Variants in A1CF observed in about 807,000 individuals in gnomAD.
A1CF encodes the protein APOBEC1 complementation factor.
A neutral mutation model predicts 68.9 loss-of-function variants in A1CF; 48 were observed. That is an observed-to-expected ratio of 0.70 (90% confidence interval 0.55 to 0.89). The LOEUF is 0.89. A1CF is among the 40% of genes least tolerant of loss of function. The pLI is 0.00. For missense variants in A1CF, 653 were observed against 718.9 expected (o/e 0.91, Z 1.05); for synonymous variants, 272 against 260.4 (o/e 1.04, Z -0.43).
intron 6 of A1CF, among the ~76,000 whole-genome samples, chr10:50,829,943 T>C (rs925424005): frequency 6.6e-6 from 1 of 152,220 alleles, no homozygotes; most frequent in Admixed American, 6.5e-5. Context: ...CAAAATTGCA[T>C]CTATTTGTGG....
chr10:50,841,604 C>T (rs1376089981), intron 5 of A1CF, among the ~76,000 whole-genome samples: 2 of 152,054 alleles, frequency 1.3e-5, no homozygotes, highest in East Asian at 1.9e-4. Context: ...TTGAACAGTG[C>T]CCAATATATA....
intron 1 of A1CF, among the ~76,000 whole-genome samples, chr10:50,873,970 ATG>A (rs1315290324): frequency 6.6e-6 from 1 of 152,070 alleles, no homozygotes; most frequent in East Asian, 1.9e-4. Flanking sequence ...TAATTTTAAT[ATG>A]TGTTTGTGTA....
intron 3 of A1CF, among the ~76,000 whole-genome samples, chr10:50,857,211 A>G (rs748704772): frequency 4.6e-5 from 7 of 152,152 alleles, no homozygotes; most frequent in Non-Finnish European, 8.8e-5. Context: ...ACATTTAAGG[A>G]GTCCATGTAT....
rs746131925 is a variant in A1CF at position 50,820,622 on chromosome 10, C to T, written c.797G>A (p.Arg266Gln). The change falls in exon 8 of 13, where the codon CGA becomes CAA. Residue 266 changes from arginine to glutamine, a missense_variant. Coordinates refer to ENST00000373997, the MANE Select transcript of A1CF (RefSeq NM_014576.4). The stretch of plus-strand genomic sequence containing the variant: ...ACTGAAGTGCACAAAAGCATAGTCT[C>T]GAATTTTCTTCACCCTCTCCACAGC... ...PGAVERVKKI[R>Q]DYAFVHFSNR... The T allele has an allele frequency of 1.9e-5, 31 of 1,613,130 alleles. No individual in the cohort carries two copies. Among genetic ancestry groups the T allele is most frequent in the African/African-American group, 2.7e-5 (2 of 74,872 alleles).
chr10:50,852,429 G>A (rs545752912), intron 3 of A1CF, among the ~76,000 whole-genome samples: 1 of 152,296 alleles, frequency 6.6e-6, no homozygotes, highest in South Asian at 2.1e-4. Context: ...TCTCTGGCTA[G>A]TAGAAGTAAG....
intron 3 of A1CF, among the ~76,000 whole-genome samples, chr10:50,847,811 A>G (rs923389180): frequency 6.6e-6 from 1 of 152,170 alleles, no homozygotes; most frequent in Non-Finnish European, 1.5e-5. Flanking sequence ...CAAATGGTGC[A>G]AACTTTAATG....
At chr10:50,859,791 A>G (rs1840656123) in intron 3 of A1CF, 51 bp downstream of exon 3, 2 of 1,535,170 alleles carry the variant, frequency 1.3e-6, no homozygotes, top group South Asian at 1.1e-5. Flanking sequence ...CAATATTCCC[A>G]CCACTGTGCA....
At chr10:50,855,717 G>C (rs936907626) in intron 3 of A1CF, among the ~76,000 whole-genome samples, 12 of 151,894 alleles carry the variant, frequency 7.9e-5, no homozygotes, top group Admixed American at 2.6e-4. Context: ...AGTGATAAGA[G>C]AGCACAAATT....
chr10:50,827,958 C>T (rs368209275), intron 7 of A1CF, among the ~76,000 whole-genome samples, 173 bp downstream of exon 7: 10 of 151,982 alleles, frequency 6.6e-5, no homozygotes, highest in African/African-American at 9.7e-5. Context: ...AAGGGGATAT[C>T]GCCACCGATC....
intron 1 of A1CF, among the ~76,000 whole-genome samples, chr10:50,884,192 A>G (rs1589061380): frequency 6.6e-6 from 1 of 152,164 alleles, no homozygotes; most frequent in South Asian, 2.1e-4. Flanking sequence ...ATGACATAAA[A>G]CCACCTTGGC....
chr10:50,851,587 T>C (rs1439190984), intron 3 of A1CF, among the ~76,000 whole-genome samples: 1 of 152,078 alleles, frequency 6.6e-6, no homozygotes, highest in East Asian at 1.9e-4. Flanking sequence ...AGGGAAATCA[T>C]GGTCAACTTC....
intron 12 of A1CF, 24 bp downstream of exon 12, chr10:50,809,870 A>G: frequency 6.2e-7 from 1 of 1,613,442 alleles, no homozygotes; most frequent in Non-Finnish European, 8.5e-7. Context: ...GCAGGGCGCC[A>G]TTTCTGGCAC....
At chr10:50,835,879 C>T (rs963072214) in intron 6 of A1CF, among the ~76,000 whole-genome samples, 195 bp downstream of exon 6, 1 of 152,026 alleles carries the variant, frequency 6.6e-6, no homozygotes, top group Non-Finnish European at 1.5e-5. Context: ...CCTCAATGCA[C>T]AGAATGAATA....
At chr10:50,827,240 C>A (rs570481513) in intron 7 of A1CF, among the ~76,000 whole-genome samples, 1 of 152,278 alleles carries the variant, frequency 6.6e-6, no homozygotes, top group African/African-American at 2.4e-5. Flanking sequence ...AGAAAGTTAA[C>A]AAGGATATTC....
chr10:50,877,031 A>G lies in A1CF; in HGVS notation c.-94+8550T>C, dbSNP rs564327007. On this transcript the variant is annotated intron_variant, in intron 1 of 12. Transcript: ENST00000373997. ...GTTGTGCTATCTTTATTCAATTATG[A>G]TACTCAACTATTCCCAAAATGCCTG... 2.7e-3 allele frequency among the ~76,000 whole-genome samples: 418 copies of G among 152,294 alleles called. 3 individuals are homozygous for G. Among genetic ancestry groups the G allele is most frequent in the Middle Eastern group, 6.8e-3 (2 of 294 alleles).
chr10:50,856,319 A>C (rs890500878), intron 3 of A1CF, among the ~76,000 whole-genome samples: 1 of 152,100 alleles, frequency 6.6e-6, no homozygotes, highest in African/African-American at 2.4e-5. Flanking sequence ...CTCTGTAGCC[A>C]AAATCAGGAG....
chr10:50,832,223 A>AG (rs1310375590), intron 6 of A1CF, among the ~76,000 whole-genome samples: 1 of 152,208 alleles, frequency 6.6e-6, no homozygotes, highest in African/African-American at 2.4e-5. Flanking sequence ...AGCCAGTTAA[A>AG]GTCGCATTGG....
In A1CF at chr10:50,811,042, T is replaced by G. The variant is rs758778764; in HGVS notation, c.1458A>C (p.Ala486=). Reference sequence around the variant, plus strand: ...AGGAATTTGGAGAAGTTACGCACATTGCAGGATTCTGGCTGGCTAGAGCAG... The same window carrying G: ...AGGAATTTGGAGAAGTTACGCACATGGCAGGATTCTGGCTGGCTAGAGCAG... The part of the protein sequence containing the change: ...TIPALASQNP[A]IHPFTPPKLS... The change falls in exon 11 of 13, where the codon GCA becomes GCC. Residue 486 remains alanine, a splice_region_variant and synonymous_variant. Coordinates refer to ENST00000373997, the MANE Select transcript of A1CF (RefSeq NM_014576.4). 1 of 1,612,190 alleles carries G rather than the reference T, an allele frequency of 6.2e-7. No individual in the cohort carries two copies. Among genetic ancestry groups the G allele is most frequent in the East Asian group, 2.2e-5 (1 of 44,792 alleles).
intron 6 of A1CF, chr10:50,828,511 C>A (rs922927459): frequency 2.6e-6 from 1 of 377,542 alleles, no homozygotes; most frequent in South Asian, 9.8e-5. Flanking sequence ...TTATAACTAT[C>A]GATTATAAAG....
Sources: allele counts gnomAD v4.1 joint callset (sites outside exome capture counted in the v4.1 genomes callset), GRCh38; gene constraint gnomAD v4.1.1; transcripts MANE v1.5; gene names NCBI Gene and HGNC (gene_info 2026-07-23, HGNC 2026-07-21).